Variants in DENND2B observed in about 807,000 individuals in gnomAD.
The protein encoded by DENND2B is DENN domain-containing protein 2B.
A neutral mutation model predicts 116.0 loss-of-function variants in DENND2B; 32 were observed. That is an observed-to-expected ratio of 0.28 (90% CI 0.21 to 0.37). DENND2B has a LOEUF of 0.37. DENND2B is among the 10% of genes least tolerant of loss of function. The pLI, the probability that DENND2B is intolerant of heterozygous loss-of-function variation, is 1.00. For missense variants in DENND2B, 1,276 were observed against 1,477.7 expected (o/e 0.86, Z 2.24); for synonymous variants, 588 against 583.9 (o/e 1.01, Z -0.10).
intron 1 of DENND2B, among the ~76,000 whole-genome samples, chr11:8,789,726 C>T (rs1191239345): frequency 5.3e-5 from 8 of 151,902 alleles, no homozygotes; most frequent in Admixed American, 1.3e-4. Flanking sequence ...TAAGAAGTGT[C>T]TAAAACTGAA....
intron 1 of DENND2B, among the ~76,000 whole-genome samples, chr11:8,763,971 C>T (rs1048810475): frequency 1.3e-5 from 2 of 152,112 alleles, no homozygotes; most frequent in African/African-American, 4.8e-5. Flanking sequence ...AGCCTGGAAT[C>T]CCAGCACTTT....
At chr11:8,824,856 T>C (rs1296777458) in intron 4 of DENND2B, among the ~76,000 whole-genome samples, 1 of 149,348 alleles carries the variant, frequency 6.7e-6, no homozygotes, top group African/African-American at 2.5e-5. Context: ...CCCAGCTATT[T>C]TTTTTTTTTT....
intron 2 of DENND2B, among the ~76,000 whole-genome samples, chr11:8,738,201 T>C (rs2049455554): frequency 6.6e-6 from 1 of 152,206 alleles, no homozygotes; most frequent in East Asian, 1.9e-4. Context: ...TAGCACCCAC[T>C]TTCCCATGTG....
chr11:8,698,430 TA>T (rs1344121851), intron 16 of DENND2B, among the ~76,000 whole-genome samples: 7 of 152,322 alleles, frequency 4.6e-5, no homozygotes, highest in Non-Finnish European at 5.9e-5. Context: ...AGACAATAAG[TA>T]CATTTCCATA....
At chr11:8,810,980 G>C (rs1352322175), upstream of DENND2B, 2 of 266,124 alleles carry the variant, frequency 7.5e-6, no homozygotes, top group African/African-American at 4.4e-5. Flanking sequence ...GCTCAGAGGG[G>C]AGAAGGGAGA....
intron 1 of DENND2B, among the ~76,000 whole-genome samples, chr11:8,899,250 G>A (rs2064136784): frequency 6.6e-6 from 1 of 151,846 alleles, no homozygotes; most frequent in Non-Finnish European, 1.5e-5. Context: ...TATGTATAAG[G>A]AGAGTCCCAG....
At chr11:8,871,943 T>G (rs980725378), upstream of DENND2B, among the ~76,000 whole-genome samples, 2 of 152,236 alleles carry the variant, frequency 1.3e-5, no homozygotes, top group Non-Finnish European at 2.9e-5. Flanking sequence ...TAATCCATTT[T>G]TTACTCACGT....
At chr11:8,876,973 GGA>G (rs758127516) in intron 2 of DENND2B, among the ~76,000 whole-genome samples, 1 of 89,180 alleles carries the variant, frequency 1.1e-5, no homozygotes, top group Non-Finnish European at 2.9e-5. Context: ...GTAAATGAGA[GGA>G]GATGTCAGGT....
At position 8,731,112 on chromosome 11, in the gene DENND2B, G is replaced by A; in HGVS notation, c.178C>T (p.His60Tyr). 1 of 1,603,254 alleles carries A rather than the reference G, an allele frequency of 6.2e-7. No homozygotes were observed. ...TTGAGGAGCACCCGGGAGCTGGAGT[G>A]GCTGGGGTACCTGCAGGCTGAGGTT... ...SETSACRYPS[H>Y]SSSRVLLKDR... The change falls in exon 3 of 20, where the codon CAC becomes TAC. Residue 60 changes from histidine (H) to tyrosine (Y), a missense_variant. This residue lies in a region of DENND2B where 856 missense variants were observed against 846.6 expected (regional missense o/e 1.01). Coordinates refer to ENST00000313726, the MANE Select transcript of DENND2B (RefSeq NM_213618.2).
At chr11:8,716,453 T>G (rs191690704) in intron 5 of DENND2B, among the ~76,000 whole-genome samples, 8 of 152,276 alleles carry the variant, frequency 5.3e-5, no homozygotes, top group African/African-American at 1.9e-4. Context: ...CAGGGCACCA[T>G]CCTTGTCGCG....
intron 1 of DENND2B, among the ~76,000 whole-genome samples, chr11:8,800,850 A>AT (rs902073430): frequency 6.6e-5 from 10 of 152,270 alleles, no homozygotes; most frequent in Admixed American, 2.0e-4. Context: ...GGAGCTATTC[A>AT]TTCTCTTTAG....
intron 1 of DENND2B, among the ~76,000 whole-genome samples, chr11:8,796,662 C>G (rs899952761): frequency 6.6e-6 from 1 of 152,204 alleles, no homozygotes; most frequent in African/African-American, 2.4e-5. Context: ...TAGAAGAGAT[C>G]TGTACGCTAG....
intron 13 of DENND2B, among the ~76,000 whole-genome samples, chr11:8,704,028 C>T (rs1236626866): frequency 6.6e-6 from 1 of 152,200 alleles, no homozygotes; most frequent in East Asian, 1.9e-4. Flanking sequence ...CACCCAGCTC[C>T]AGTCCCTACT....
chr11:8,825,671 T>C (rs2061950550), intron 4 of DENND2B, among the ~76,000 whole-genome samples: 1 of 151,842 alleles, frequency 6.6e-6, no homozygotes, highest in Non-Finnish European at 1.5e-5. Flanking sequence ...GAGAAAAGCC[T>C]CCACAAACTG....
chr11:8,696,386 G>T, intron 18 of DENND2B, 41 bp downstream of exon 18: 1 of 1,608,404 alleles, frequency 6.2e-7, no homozygotes, highest in South Asian at 1.1e-5. Context: ...CCCTGCTGTG[G>T]GTGAAAAAAT....
Position 8,702,828 on chromosome 11 carries a change from C to G in DENND2B, c.2572-108G>C. 3 of 1,398,922 alleles carry G rather than the reference C, an allele frequency of 2.1e-6. No homozygotes were observed. The highest frequency in any genetic ancestry group is 2.9e-6 in the Non-Finnish European group (3 of 1,028,898). The allele number at this position is 1,398,922 out of a possible 1,614,324, so 86.7% of individuals were successfully genotyped here. A position where few individuals can be genotyped will look rare whatever the true frequency, so the allele number is the denominator to read the frequency against. The stretch of plus-strand genomic sequence containing the variant: ...CTTTCCCCTTCCAACCTGCTCTTTT[C>G]CAGGTCTCTCGTCTACCCTGCTATG... On this transcript the variant is annotated intron_variant, in intron 13 of 19. Transcript: ENST00000313726. This position sits in a 1 kb window ranked among gnomAD's most constrained non-coding sequence, Gnocchi z 4.6.
intron 3 of DENND2B, among the ~76,000 whole-genome samples, chr11:8,843,209 G>A (rs2062686180): frequency 1.3e-5 from 2 of 152,046 alleles, no homozygotes; most frequent in South Asian, 4.1e-4. Flanking sequence ...TAGAGACGGG[G>A]TTTCACCATG....
intron 16 of DENND2B, among the ~76,000 whole-genome samples, chr11:8,698,137 C>CAAAAAAAAAAAAAA (rs33975736): frequency 2.0e-4 from 8 of 39,808 alleles, no homozygotes; most frequent in East Asian, 1.1e-3. Flanking sequence ...ACCCTGTCTC[C>CAAAAAAAAAAAAAA]AAAAAAAAAA....
At chr11:8,910,365 A>G (rs1056289394) in intron 1 of DENND2B, among the ~76,000 whole-genome samples, 1 of 151,430 alleles carries the variant, frequency 6.6e-6, no homozygotes, top group Non-Finnish European at 1.5e-5. Context: ...CCAAGCAGAA[A>G]GAGGCGCGGG....
Sources: gnomAD v4.1 joint callset for allele counts (sites outside exome capture counted in the v4.1 genomes callset) on GRCh38, gnomAD v4.1.1 for gene constraint, gnomAD v4.1.1 regional missense constraint, Gnocchi (gnomAD v3.1) non-coding constraint, MANE v1.5 for transcripts, NCBI Gene and HGNC (gene_info 2026-07-23, HGNC 2026-07-21) for gene names.